The following HEMK2 variants were observed in gnomAD, a reference collection of about 807,000 sequenced individuals.
The protein encoded by HEMK2 is methyltransferase HEMK2.
chr21:28,811,048 G>GTGAACC, the HEMK2 span, among the ~76,000 whole-genome samples: 11 of 152,252 alleles, frequency 7.2e-5, no homozygotes, highest in African/African-American at 2.6e-4. Context: ...CAGTGTTTCA[G>GTGAACC]TGAACCAGCC....
At chr21:28,730,418 A>ACACACACACACATAATTTAT in the HEMK2 span, among the ~76,000 whole-genome samples, 83 of 142,286 alleles carry the variant, frequency 5.8e-4, no homozygotes, top group African/African-American at 1.4e-3. Context: ...ACACACACAC[A>ACACACACACACATAATTTAT]TTTCTCACAA....
At chr21:28,858,102 T>G in the HEMK2 span, among the ~76,000 whole-genome samples, 1 of 152,214 alleles carries the variant, frequency 6.6e-6, no homozygotes, top group Non-Finnish European at 1.5e-5. Context: ...TTCTTTTTAT[T>G]TGAATATGTC....
the HEMK2 span, among the ~76,000 whole-genome samples, chr21:28,589,102 T>A: frequency 1.3e-5 from 2 of 152,040 alleles, no homozygotes; most frequent in Non-Finnish European, 2.9e-5. Flanking sequence ...TGTAAACTTA[T>A]AAAAAAGGCA....
the HEMK2 span, among the ~76,000 whole-genome samples, chr21:28,678,137 A>C: frequency 7.9e-5 from 12 of 152,212 alleles, no homozygotes; most frequent in Non-Finnish European, 1.3e-4. Context: ...AAAGAAGTTA[A>C]AAACCTGGAA....
chr21:28,763,040 C>T, the HEMK2 span, among the ~76,000 whole-genome samples: 29,362 of 152,012 alleles, frequency 0.19, 3,215 homozygotes, highest in East Asian at 0.41. Flanking sequence ...CCTATTGCCT[C>T]AGGTTAGATC....
the HEMK2 span, among the ~76,000 whole-genome samples, chr21:28,690,151 C>A: frequency 5.9e-5 from 9 of 152,152 alleles, no homozygotes. Context: ...ACCATGAGAA[C>A]AGTATGAGGG....
the HEMK2 span, among the ~76,000 whole-genome samples, chr21:28,856,877 A>G: frequency 6.6e-6 from 1 of 152,242 alleles, no homozygotes; most frequent in African/African-American, 2.4e-5. Flanking sequence ...CTGCTCAGGC[A>G]TGCATGGAGA....
the HEMK2 span, among the ~76,000 whole-genome samples, chr21:28,729,868 G>A: frequency 6.6e-6 from 1 of 152,084 alleles, no homozygotes. Context: ...CCCTTGCCCA[G>A]TTTTTCTAAT....
the HEMK2 span, among the ~76,000 whole-genome samples, chr21:28,646,288 T>C: frequency 1.3e-5 from 2 of 152,162 alleles, no homozygotes; most frequent in Non-Finnish European, 2.9e-5. Flanking sequence ...AACCCATAAA[T>C]AGTGAGCTGG....
chr21:28,601,612 C>CTCTCTCTT, the HEMK2 span, among the ~76,000 whole-genome samples: 2 of 111,958 alleles, frequency 1.8e-5, no homozygotes, highest in Non-Finnish European at 3.8e-5. Context: ...ACATCTCTCT[C>CTCTCTCTT]TCTCTCTCTC....
chr21:28,733,858 G>A, the HEMK2 span, among the ~76,000 whole-genome samples: 109 of 152,218 alleles, frequency 7.2e-4, no homozygotes, highest in African/African-American at 2.4e-3. Flanking sequence ...CTTCCTCTGC[G>A]ACAGCCTCTC....
chr21:28,586,933 T>C, the HEMK2 span, among the ~76,000 whole-genome samples: 2 of 152,164 alleles, frequency 1.3e-5, no homozygotes, highest in African/African-American at 4.8e-5. Flanking sequence ...TACTTTCTAA[T>C]ACCTTGGGAT....
At chr21:28,626,203 A>T in the HEMK2 span, among the ~76,000 whole-genome samples, 1 of 152,168 alleles carries the variant, frequency 6.6e-6, no homozygotes, top group Non-Finnish European at 1.5e-5. Flanking sequence ...TGGGTGGAGT[A>T]GAAAATAGAA....
At chr21:28,810,233 T>C in the HEMK2 span, among the ~76,000 whole-genome samples, 1 of 152,148 alleles carries the variant, frequency 6.6e-6, no homozygotes, top group South Asian at 2.1e-4. Flanking sequence ...GAAGCAGTCA[T>C]TTCCATTTGG....
the HEMK2 span, among the ~76,000 whole-genome samples, chr21:28,869,900 T>C: frequency 6.6e-6 from 1 of 152,204 alleles, no homozygotes; most frequent in Non-Finnish European, 1.5e-5. Flanking sequence ...TAATAAAATG[T>C]ATACCCAAGA....
At chr21:28,754,703 A>G in the HEMK2 span, among the ~76,000 whole-genome samples, 14 of 152,278 alleles carry the variant, frequency 9.2e-5, 1 homozygote, top group East Asian at 1.3e-3. Flanking sequence ...TCCTTTGTAA[A>G]CATTTATAAA....
the HEMK2 span, among the ~76,000 whole-genome samples, chr21:28,692,941 T>C: frequency 1.4e-3 from 209 of 152,240 alleles, no homozygotes; most frequent in African/African-American, 4.8e-3. Flanking sequence ...ATGTTCAAAA[T>C]AGGCGAATCC....
At chr21:28,650,947 G>A in the HEMK2 span, among the ~76,000 whole-genome samples, 4 of 152,130 alleles carry the variant, frequency 2.6e-5, no homozygotes, top group Non-Finnish European at 5.9e-5. Flanking sequence ...TGCTAAAGGT[G>A]GGTACAGAGT....
the HEMK2 span, among the ~76,000 whole-genome samples, chr21:28,737,511 C>CT: frequency 6.6e-6 from 1 of 151,870 alleles, no homozygotes. Flanking sequence ...AAAAATCTGC[C>CT]TTTTTTTCTT....
Sources: gnomAD v4.1 joint callset for allele counts (sites outside exome capture counted in the v4.1 genomes callset) on GRCh38, gnomAD v4.1.1 for gene constraint, MANE v1.5 for transcripts, NCBI Gene and HGNC (gene_info 2026-07-23, HGNC 2026-07-21) for gene names.